The following FOXP1 variants were observed in gnomAD, a reference collection of about 807,000 sequenced individuals.
The protein encoded by FOXP1 is forkhead box protein P1.
Under a neutral mutation model 98.2 loss-of-function variants are expected in FOXP1, and 15 were observed. That is an observed-to-expected ratio of 0.15 (90% CI 0.10 to 0.24). The LOEUF is 0.24. FOXP1 is among the 10% of genes least tolerant of loss of function. The pLI is 1.00. For missense variants in FOXP1, 633 were observed against 848.5 expected, an observed-to-expected ratio of 0.75 and a Z score of 3.15; for synonymous variants, 371 against 314.5, an observed-to-expected ratio of 1.18 and a Z score of -1.90.
At chr3:71,228,259 T>A (rs1232373943) in intron 5 of FOXP1, among the ~76,000 whole-genome samples, 1 of 152,114 alleles carries the variant, frequency 6.6e-6, no homozygotes, top group Non-Finnish European at 1.5e-5. Context: ...GAGAACTTAC[T>A]GTTTTCAATT....
intron 6 of FOXP1, among the ~76,000 whole-genome samples, chr3:71,196,997 C>T (rs145667643): frequency 6.6e-6 from 1 of 152,292 alleles, no homozygotes; most frequent in East Asian, 1.9e-4. Flanking sequence ...TTGGTTCCAC[C>T]ACCTTGTAAG....
At chr3:71,336,556 T>C (rs545775518) in intron 4 of FOXP1, among the ~76,000 whole-genome samples, 27 of 152,330 alleles carry the variant, frequency 1.8e-4, no homozygotes, top group Non-Finnish European at 3.4e-4. Context: ...TTTTGAAACT[T>C]AGTAAATAGA....
intron 6 of FOXP1, among the ~76,000 whole-genome samples, chr3:71,168,659 T>G (rs970258851): frequency 1.3e-5 from 2 of 152,226 alleles, no homozygotes; most frequent in Non-Finnish European, 2.9e-5. Flanking sequence ...ATGAAATAAC[T>G]GCTCATACCT....
At chr3:71,219,185 A>C (rs2065168728) in intron 5 of FOXP1, among the ~76,000 whole-genome samples, 1 of 152,058 alleles carries the variant, frequency 6.6e-6, no homozygotes. Context: ...TGCCCTCATC[A>C]CATGCCCTCA....
In FOXP1 at chr3:71,273,141, T is replaced by G. The variant is rs1440029986; in HGVS notation, c.-12+26679A>C. 2.0e-5 allele frequency among the ~76,000 whole-genome samples: 3 copies of G among 152,228 alleles called. No individual in the cohort carries two copies. In the East Asian group the frequency reaches 5.8e-4, roughly 29 times the overall value. On this transcript the variant is annotated intron_variant, in intron 5 of 20. Transcript: ENST00000649528. ...ACATCCTTCTTCCTTCTGGTCCTTG[T>G]GCGTCCCATGGGGTCCACTTAAGAG...
chr3:70,966,615 A>C (rs539372744), intron 19 of FOXP1, among the ~76,000 whole-genome samples: 1 of 152,226 alleles, frequency 6.6e-6, no homozygotes, highest in African/African-American at 2.4e-5. Context: ...ATGATTTTTG[A>C]ATCTGTTTAG....
chr3:71,299,448 T>C (rs560579559), intron 5 of FOXP1, among the ~76,000 whole-genome samples: 56 of 152,380 alleles, frequency 3.7e-4, no homozygotes, highest in Middle Eastern at 3.4e-3. Flanking sequence ...CACACAATAC[T>C]GACATGCGTT....
chr3:71,151,796 C>CTT (rs2060587523), intron 6 of FOXP1, among the ~76,000 whole-genome samples: 1 of 151,906 alleles, frequency 6.6e-6, no homozygotes, highest in African/African-American at 2.4e-5. Context: ...CAAGACCTAC[C>CTT]TTTTCCCACT....
At chr3:71,292,252 T>C (rs1334723423) in intron 5 of FOXP1, among the ~76,000 whole-genome samples, 1 of 152,188 alleles carries the variant, frequency 6.6e-6, no homozygotes, top group Non-Finnish European at 1.5e-5. Context: ...TAAGCTACCA[T>C]GGCAAGCCAT....
intron 5 of FOXP1, among the ~76,000 whole-genome samples, chr3:71,260,603 G>C (rs1338426332): frequency 1.3e-5 from 2 of 150,728 alleles, no homozygotes; most frequent in African/African-American, 4.9e-5. Flanking sequence ...AGTGCAACGG[G>C]GTGATCTGGG....
At chr3:71,556,494 T>C (rs956498845) in intron 2 of FOXP1, among the ~76,000 whole-genome samples, 1 of 149,636 alleles carries the variant, frequency 6.7e-6, no homozygotes, top group African/African-American at 2.5e-5. Flanking sequence ...GGAGAATCGC[T>C]TGAACTCGGG....
intron 3 of FOXP1, among the ~76,000 whole-genome samples, chr3:71,426,898 TA>T (rs1252935886): frequency 6.6e-6 from 1 of 151,864 alleles, no homozygotes; most frequent in Admixed American, 6.6e-5. Flanking sequence ...CCATCTCTAC[TA>T]AAAATACAAA....
At chr3:70,996,805 G>A (rs2041431101) in intron 13 of FOXP1, among the ~76,000 whole-genome samples, 1 of 152,098 alleles carries the variant, frequency 6.6e-6, no homozygotes, top group Admixed American at 6.6e-5. Flanking sequence ...CTTTTACGAT[G>A]GGGCACATGT....
At chr3:71,192,087 AAGTT>A in intron 6 of FOXP1, among the ~76,000 whole-genome samples, 1 of 152,180 alleles carries the variant, frequency 6.6e-6, no homozygotes, top group Non-Finnish European at 1.5e-5. Context: ...CCCTTTCTGG[AAGTT>A]CCCCTTCTAG....
rs78332211 is a variant in FOXP1 at position 70,971,717 on chromosome 3, G to A, written c.1652+838C>T. 6.7e-3 allele frequency: 1,851 copies of A among 275,728 alleles called. 34 individuals carry two copies. Among genetic ancestry groups the A allele is most frequent in the African/African-American group, 0.034 (1,546 of 45,874 alleles). The allele number at this position is 275,728 out of a possible 1,614,324, so 17.1% of individuals were successfully genotyped here. A position where few individuals can be genotyped will look rare whatever the true frequency, so the allele number is the denominator to read the frequency against. On this transcript the variant is annotated intron_variant, in intron 18 of 20. Transcript: ENST00000649528. ...AAAATTCCCTTTTTACTTGGGGTGG[G>A]GAGAGAGGGGGGATTATGGGTTAAG...
intron 3 of FOXP1, among the ~76,000 whole-genome samples, chr3:71,384,689 C>T (rs1019790408): frequency 1.3e-5 from 2 of 152,178 alleles, no homozygotes; most frequent in Non-Finnish European, 1.5e-5. Context: ...AAACAATTGT[C>T]ACCAACTGTA....
chr3:71,197,879 C>T, intron 6 of FOXP1: 3 of 1,614,028 alleles, frequency 1.9e-6, no homozygotes, highest in Non-Finnish European at 2.5e-6. Flanking sequence ...GCAGTGGGAA[C>T]CATTTCTCCA....
At chr3:71,110,213 C>G (rs948656812) in intron 7 of FOXP1, among the ~76,000 whole-genome samples, 1 of 152,020 alleles carries the variant, frequency 6.6e-6, no homozygotes, top group Non-Finnish European at 1.5e-5. Flanking sequence ...CAAGGAACTT[C>G]GTTCATCTTG....
chr3:70,960,637 A>G (rs1429512134), intron 20 of FOXP1, among the ~76,000 whole-genome samples: 2 of 152,088 alleles, frequency 1.3e-5, no homozygotes, highest in African/African-American at 2.4e-5. Context: ...AGTATTAGTA[A>G]TAAGAGGTGG....
Sources: gnomAD v4.1 joint callset for allele counts (sites outside exome capture counted in the v4.1 genomes callset) on GRCh38, gnomAD v4.1.1 for gene constraint, MANE v1.5 for transcripts, NCBI Gene and HGNC (gene_info 2026-07-23, HGNC 2026-07-21) for gene names.